Variants in SGCZ observed in about 807,000 individuals in gnomAD.
The protein encoded by SGCZ is sarcoglycan zeta.
Under a neutral mutation model 41.3 loss-of-function variants are expected in SGCZ, and 40 were observed. The ratio of observed to expected loss-of-function variants is 0.97; its 90% CI spans 0.75 to 1.26. The LOEUF is 1.26. Among genes scored for constraint, SGCZ ranks in the 50% most tolerant of loss-of-function variants. SGCZ has a pLI of 0.00. For synonymous variants in SGCZ, 206 were observed against 137.5 expected, an observed-to-expected ratio of 1.50 and a Z score of -3.49; for missense variants, 552 against 369.8, an observed-to-expected ratio of 1.49 and a Z score of -4.04.
chr8:14,670,326 A>G (rs1808063353), intron 1 of SGCZ, among the ~76,000 whole-genome samples: 1 of 152,130 alleles, frequency 6.6e-6, no homozygotes, highest in African/African-American at 2.4e-5. Context: ...CCCCCAAATC[A>G]GAGTAAAATT....
intron 1 of SGCZ, among the ~76,000 whole-genome samples, chr8:15,196,355 A>T (rs1167010332): frequency 6.6e-6 from 1 of 152,218 alleles, no homozygotes; most frequent in African/African-American, 2.4e-5. Context: ...TTAACTCAAG[A>T]AAAGCTCCCA....
At chr8:14,767,936 T>C (rs1044385000) in intron 1 of SGCZ, among the ~76,000 whole-genome samples, 1 of 152,148 alleles carries the variant, frequency 6.6e-6, no homozygotes, top group Non-Finnish European at 1.5e-5. Context: ...ACAACAAAAA[T>C]AGATAGCAAC....
chr8:14,511,853 C>A (rs1258507428), intron 2 of SGCZ, among the ~76,000 whole-genome samples: 1 of 152,094 alleles, frequency 6.6e-6, no homozygotes. Context: ...TCTTAAAGGA[C>A]AGGGTATCCC....
chr8:14,325,828 G>A (rs1176454161), intron 2 of SGCZ, among the ~76,000 whole-genome samples: 1 of 143,770 alleles, frequency 7.0e-6, no homozygotes, highest in Non-Finnish European at 1.5e-5. Context: ...ATGAGGACGT[G>A]GGCCCGGCGC....
intron 2 of SGCZ, among the ~76,000 whole-genome samples, chr8:14,515,947 C>A (rs1563379814): frequency 1.3e-5 from 2 of 152,012 alleles, no homozygotes; most frequent in Non-Finnish European, 2.9e-5. Flanking sequence ...ATCCAGTAAG[C>A]AATACCTTGT....
At chr8:14,624,998 T>C (rs531054676) in intron 1 of SGCZ, among the ~76,000 whole-genome samples, 1 of 152,258 alleles carries the variant, frequency 6.6e-6, no homozygotes, top group East Asian at 1.9e-4. Context: ...ATTTCTTAGG[T>C]ATAATCTTCT....
intron 1 of SGCZ, among the ~76,000 whole-genome samples, chr8:14,763,545 A>T (rs1361578317): frequency 6.6e-6 from 1 of 152,096 alleles, no homozygotes; most frequent in East Asian, 1.9e-4. Flanking sequence ...TTATTATCGA[A>T]AGTGTCTTTA....
chr8:14,952,341 T>C (rs1001779186), intron 1 of SGCZ, among the ~76,000 whole-genome samples: 7 of 151,834 alleles, frequency 4.6e-5, no homozygotes, highest in Non-Finnish European at 1.0e-4. Context: ...AGGTTTTTCC[T>C]TTTTTTTCCT....
At chr8:15,097,862 G>GTATA (rs1407463124) in intron 1 of SGCZ, among the ~76,000 whole-genome samples, 1 of 18,328 alleles carries the variant, frequency 5.5e-5, no homozygotes, top group East Asian at 1.7e-3. Flanking sequence ...ATATACGTGT[G>GTATA]TGTGTATATA....
chr8:14,148,822 T>G (rs1038993613), intron 5 of SGCZ, among the ~76,000 whole-genome samples: 1 of 151,992 alleles, frequency 6.6e-6, no homozygotes. Context: ...AACAATGCAT[T>G]AGAAAAATCA....
intron 1 of SGCZ, among the ~76,000 whole-genome samples, chr8:15,207,865 G>A (rs1801118072): frequency 6.6e-6 from 1 of 152,154 alleles, no homozygotes; most frequent in Non-Finnish European, 1.5e-5. Flanking sequence ...AAATATACCT[G>A]TTATAACAGA....
rs185774322 is a variant in SGCZ at position 14,871,878 on chromosome 8, A to C, written c.40-316952T>G. 1.7e-3 allele frequency among the ~76,000 whole-genome samples: 262 copies of C among 150,200 alleles called. 1 individual carries two copies. Among genetic ancestry groups the C allele is most frequent in the African/African-American group, 6.2e-3 (250 of 40,498 alleles). On this transcript the variant is annotated intron_variant, in intron 1 of 7. Coordinates refer to ENST00000382080, the MANE Select transcript of SGCZ (RefSeq NM_139167.4). ...TGCATGTATGTATATATATGTATGT[A>C]TATATGTATGTATATATGTATGTAT...
intron 3 of SGCZ, among the ~76,000 whole-genome samples, chr8:14,264,609 C>T (rs1799810023): frequency 6.6e-6 from 1 of 152,108 alleles, no homozygotes; most frequent in South Asian, 2.1e-4. Context: ...AGGCAGTGAC[C>T]ACCGGCTGAA....
chr8:14,444,002 G>C (rs1410864585), intron 2 of SGCZ, among the ~76,000 whole-genome samples: 1 of 152,040 alleles, frequency 6.6e-6, no homozygotes, highest in Non-Finnish European at 1.5e-5. Context: ...GTGGGTGAAG[G>C]ATATGAACAG....
chr8:14,284,755 G>C (rs554583875), intron 3 of SGCZ, among the ~76,000 whole-genome samples: 2 of 151,996 alleles, frequency 1.3e-5, no homozygotes, highest in East Asian at 3.9e-4. Context: ...TTTAATACTA[G>C]AGTGCATATT....
chr8:14,101,916 G>A (rs912610327), intron 7 of SGCZ, among the ~76,000 whole-genome samples: 4 of 151,378 alleles, frequency 2.6e-5, no homozygotes, highest in Admixed American at 6.6e-5. Context: ...GTTTTGAGAC[G>A]GAGTCTCGCT....
At chr8:15,162,320 G>C (rs113432411) in intron 1 of SGCZ, among the ~76,000 whole-genome samples, 6,480 of 152,202 alleles carry the variant, frequency 0.043, 339 homozygotes, top group African/African-American at 0.12. Context: ...AAGTTCTGTG[G>C]CCAGCACCTG....
At position 14,303,882 on chromosome 8, in the gene SGCZ, G is replaced by A. The variant is rs138505233; in HGVS notation, c.336+20221C>T. On this transcript the variant is annotated intron_variant, in intron 3 of 7. Transcript: ENST00000382080. Reference sequence around the variant, plus strand: ...TTCTCCTGCTTCAGTCTCCCGAGTGGCTAGGATTATAGGCACCCGCCACCA... The same window carrying A: ...TTCTCCTGCTTCAGTCTCCCGAGTGACTAGGATTATAGGCACCCGCCACCA... 5.4e-3 allele frequency among the ~76,000 whole-genome samples: 821 copies of A among 151,996 alleles called. 5 individuals are homozygous for A. Among genetic ancestry groups the A allele is most frequent in the Non-Finnish European group, 7.6e-3 (514 of 67,986 alleles).
chr8:14,282,913 G>T (rs1327894433), intron 3 of SGCZ, among the ~76,000 whole-genome samples: 1 of 131,662 alleles, frequency 7.6e-6, no homozygotes, highest in Non-Finnish European at 1.5e-5. Context: ...GTAGTGGCGC[G>T]ATCTCAGCTC....
Sources: allele counts gnomAD v4.1 joint callset (sites outside exome capture counted in the v4.1 genomes callset), GRCh38; gene constraint gnomAD v4.1.1; transcripts MANE v1.5; gene names NCBI Gene and HGNC (gene_info 2026-07-23, HGNC 2026-07-21).